SLC35A3: variants seen among roughly 807,000 people sequenced by gnomAD.
SLC35A3 encodes solute carrier family 35 member A3, also known as UDP-N-acetylglucosamine transporter.
SLC35A3 carries 26 observed loss-of-function variants against 39.0 expected under a neutral mutation model. The ratio of observed to expected loss-of-function variants is 0.67; its 90% CI spans 0.49 to 0.92. The LOEUF is 0.92. Ranked by LOEUF, SLC35A3 falls within the 40% of genes least tolerant of loss-of-function variation. The probability of loss-of-function intolerance (pLI) is 0.00; values close to 1 mark genes in which losing one functional copy is unlikely to be tolerated. For missense variants in SLC35A3, 299 were observed against 371.6 expected (o/e 0.80, Z 1.61); for synonymous variants, 135 against 133.1 (o/e 1.01, Z -0.10).
intron 3 of SLC35A3, among the ~76,000 whole-genome samples, chr1:100,002,189 G>C (rs1658860574): frequency 6.6e-6 from 1 of 152,158 alleles, no homozygotes; most frequent in Admixed American, 6.5e-5. Context: ...AGGAGAATTG[G>C]TGTTAGTTCT....
intron 1 of SLC35A3, among the ~76,000 whole-genome samples, chr1:99,972,685 G>T (rs1282680517): frequency 6.6e-6 from 1 of 152,110 alleles, no homozygotes; most frequent in Non-Finnish European, 1.5e-5. Flanking sequence ...ACATCATGAT[G>T]TATTAGACTC....
Position 100,026,952 on chromosome 1 carries a change from A to T in SLC35A3, c.*4476A>T, listed in dbSNP as rs1660945651. ...CTATTTAATAGATTTATTGAAATAG[A>T]TTATTTTCATAAAGAACTCTATACA... On this transcript the variant is annotated 3_prime_UTR_variant, in exon 8 of 8. Transcript: ENST00000533028. The T allele has an allele frequency of 1.6e-5, 6 of 378,204 alleles. No homozygotes were observed. The East Asian group carries it at 2.3e-4, about 14-fold the overall frequency. 23.4% of individuals were successfully genotyped at this position (378,204 alleles called of 1,614,324 possible).
rs1335200526 is a variant in SLC35A3 at position 100,024,182 on chromosome 1, C to A, written c.*1706C>A. On this transcript the variant is annotated 3_prime_UTR_variant, in exon 8 of 8. Transcript: ENST00000533028. ...AGAAATGGTAAGATGATTTGGTGGG[C>A]AAAAATGCTTTCTATAATTTGAATA... 2 of 151,752 alleles carry A rather than the reference C, an allele frequency of 1.3e-5. No homozygotes were observed. The highest frequency in any genetic ancestry group is 4.8e-5 in the African/African-American group (2 of 41,288). The allele number at this position is 151,752 out of a possible 1,614,324, so 9.4% of individuals were successfully genotyped here. A position where few individuals can be genotyped will look rare whatever the true frequency, so the allele number is the denominator to read the frequency against.
chr1:99,999,238 A>AT, intron 2 of SLC35A3, 23 bp from the exon 3 acceptor site: 1 of 1,456,060 alleles, frequency 6.9e-7, no homozygotes, highest in Non-Finnish European at 9.2e-7. Context: ...TTAATTACTG[A>AT]TTTTTCTCAT....
chr1:100,015,177 A>AAT, intron 5 of SLC35A3, 125 bp from the exon 6 acceptor site: 3 of 928,246 alleles, frequency 3.2e-6, no homozygotes, highest in Non-Finnish European at 4.4e-6. Context: ...AAAAAAAAAA[A>AAT]GAAAGTAATC....
At chr1:100,014,554 C>T (rs1034459734) in intron 5 of SLC35A3, among the ~76,000 whole-genome samples, 2 of 152,050 alleles carry the variant, frequency 1.3e-5, no homozygotes, top group Admixed American at 6.6e-5. Flanking sequence ...AATATTGTAC[C>T]CCCTGCCTCA....
At chr1:99,990,734 C>T (rs560994759) in intron 1 of SLC35A3, among the ~76,000 whole-genome samples, 1 of 152,112 alleles carries the variant, frequency 6.6e-6, no homozygotes, top group South Asian at 2.1e-4. Context: ...TCCTCTCTGT[C>T]CCCTGCCTCC....
intron 2 of SLC35A3, among the ~76,000 whole-genome samples, chr1:99,997,809 G>A (rs1269478127): frequency 6.6e-6 from 1 of 150,812 alleles, no homozygotes; most frequent in African/African-American, 2.4e-5. Flanking sequence ...TAATCCAGCT[G>A]AACCTAGAAG....
chr1:99,984,937 T>C (rs966842599), intron 1 of SLC35A3, among the ~76,000 whole-genome samples: 2 of 152,188 alleles, frequency 1.3e-5, no homozygotes, highest in South Asian at 4.1e-4. Flanking sequence ...GGATTCTTTG[T>C]TTTTTTCTTG....
chr1:99,996,282 TAAGAG>T (rs1658392908), intron 2 of SLC35A3, among the ~76,000 whole-genome samples: 1 of 152,112 alleles, frequency 6.6e-6, no homozygotes, highest in African/African-American at 2.4e-5. Flanking sequence ...AGTCACAAAT[TAAGAG>T]AAGATATTTA....
intron 1 of SLC35A3, among the ~76,000 whole-genome samples, chr1:99,981,164 G>T (rs1477733405): frequency 3.3e-5 from 5 of 152,056 alleles, no homozygotes; most frequent in African/African-American, 4.8e-5. Flanking sequence ...TTTTTCTGTT[G>T]ATTTATTTGG....
chr1:100,015,379 C>T lies in SLC35A3; in HGVS notation c.712C>T (p.Gln238Ter), dbSNP rs1208945225. 6.2e-7 allele frequency: 1 copy of T among 1,612,786 alleles called. No homozygotes were observed. The highest frequency in any genetic ancestry group is 8.5e-7 in the Non-Finnish European group (1 of 1,179,528). ...GELVSKNGFF[Q>*]GYNRLTWIVV... The stretch of plus-strand genomic sequence containing the variant: ...ACTGGTATCAAAGAATGGATTTTTT[C>T]AGGGATATAACCGACTGACCTGGAT... The change falls in exon 6 of 8, where the codon CAG becomes TAG. Residue 238 changes from glutamine (Q) to a stop codon, truncating the protein, a stop_gained. Coordinates refer to ENST00000533028, the MANE Select transcript of SLC35A3 (RefSeq NM_012243.3). LOFTEE classifies it high-confidence loss of function.
chr1:99,994,424 C>T (rs1441612313), intron 2 of SLC35A3, among the ~76,000 whole-genome samples: 2 of 151,922 alleles, frequency 1.3e-5, no homozygotes, highest in African/African-American at 4.8e-5. Context: ...TAAACAACAA[C>T]TTTGTAACTG....
Position 100,022,446 on chromosome 1 carries a change from C to G in SLC35A3, c.948C>G (p.Pro316=). The G allele has an allele frequency of 6.2e-7, 1 of 1,604,342 alleles. No individual in the cohort carries two copies. The highest frequency in any genetic ancestry group is 8.5e-7 in the Non-Finnish European group (1 of 1,172,526). The change falls in exon 8 of 8, where the codon CCC becomes CCG. Residue 316 remains proline, a synonymous_variant. Transcript: ENST00000533028. ...CTACTTTTTTGTATGGTTATGATCC[C>G]AAACCTGCAGGAAATCCCACTAAAG... The part of the protein sequence containing the change: ...ITATFLYGYD[P]KPAGNPTKA
chr1:100,014,228 A>T (rs1456297539), intron 5 of SLC35A3, among the ~76,000 whole-genome samples: 1 of 152,060 alleles, frequency 6.6e-6, no homozygotes, highest in Non-Finnish European at 1.5e-5. Context: ...TTATTTATTT[A>T]TTTATTTTTT....
chr1:100,025,481 A>C lies in SLC35A3; in HGVS notation c.*3005A>C, dbSNP rs1051828823. 6.6e-6 allele frequency: 1 copy of C among 152,248 alleles called. No individual in the cohort carries two copies. The highest frequency in any genetic ancestry group is 1.5e-5 in the Non-Finnish European group (1 of 68,026). The allele number at this position is 152,248 out of a possible 1,614,324, so 9.4% of individuals were successfully genotyped here. ...AAAAATGTAAACAAGAATTGTAAAA[A>C]TGGACAAAGTAGTCAAATATATTTT... On this transcript the variant is annotated 3_prime_UTR_variant, in exon 8 of 8. Coordinates refer to ENST00000533028, the MANE Select transcript of SLC35A3 (RefSeq NM_012243.3).
At chr1:99,986,858 G>C (rs796582603) in intron 1 of SLC35A3, among the ~76,000 whole-genome samples, 5 of 152,184 alleles carry the variant, frequency 3.3e-5, no homozygotes, top group African/African-American at 1.2e-4. Context: ...AAAGTGCTGG[G>C]TTTACAAGCC....
intron 6 of SLC35A3, among the ~76,000 whole-genome samples, chr1:100,017,338 T>A (rs1413097170): frequency 6.6e-6 from 1 of 152,176 alleles, no homozygotes; most frequent in Admixed American, 6.5e-5. Context: ...GTAAAAATAT[T>A]TCACTATTTA....
intron 1 of SLC35A3, among the ~76,000 whole-genome samples, chr1:99,991,457 A>G (rs1037945358): frequency 2.0e-5 from 3 of 152,032 alleles, no homozygotes; most frequent in Non-Finnish European, 4.4e-5. Flanking sequence ...AGTTTTGATT[A>G]CTGTAGTTTT....
Sources: gnomAD v4.1 joint callset for allele counts (sites outside exome capture counted in the v4.1 genomes callset) on GRCh38, gnomAD v4.1.1 for gene constraint, MANE v1.5 for transcripts, NCBI Gene and HGNC (gene_info 2026-07-23, HGNC 2026-07-21) for gene names.